Variants in ABCC11 observed in about 807,000 individuals in gnomAD.
ABCC11 encodes the protein ATP-binding cassette sub-family C member 11.
In ABCC11, 135 loss-of-function variants were observed where a neutral mutation model predicts 149.3. The observed-to-expected ratio is 0.90, with a 90% CI of 0.79 to 1.04. ABCC11 has a LOEUF of 1.04. Among genes scored for constraint, ABCC11 ranks in the 50% least tolerant of loss-of-function variants. The probability of loss-of-function intolerance (pLI) is 0.00; values close to 1 mark genes in which losing one functional copy is unlikely to be tolerated. For missense variants in ABCC11, 1,680 were observed against 1,722.1 expected, an observed-to-expected ratio of 0.98 and a Z score of 0.43; for synonymous variants, 665 against 671.4, an observed-to-expected ratio of 0.99 and a Z score of 0.15.
intron 12 of ABCC11, among the ~76,000 whole-genome samples, chr16:48,206,902 T>C (rs1968495189): frequency 6.6e-6 from 1 of 152,214 alleles, no homozygotes; most frequent in Non-Finnish European, 1.5e-5. Flanking sequence ...AATGGAAAGC[T>C]CTTTGCACAG....
chr16:48,214,794 A>T, intron 9 of ABCC11, 87 bp downstream of exon 9: 1 of 1,535,454 alleles, frequency 6.5e-7, no homozygotes. Context: ...CAAAGCCTTC[A>T]GACCTTTGAG....
chr16:48,207,146 T>C (rs1265563874), intron 12 of ABCC11, among the ~76,000 whole-genome samples: 1 of 151,916 alleles, frequency 6.6e-6, no homozygotes, highest in East Asian at 1.9e-4. Flanking sequence ...GGAAAACTTC[T>C]CCCAGTGTTG....
At chr16:48,175,439 G>T (rs772919764) in intron 25 of ABCC11, 22 bp from the exon 26 acceptor site, 1 of 1,594,344 alleles carries the variant, frequency 6.3e-7, no homozygotes, top group Non-Finnish European at 8.6e-7. Context: ...GAAACAAGCG[G>T]GGCCTCAGTT....
At chr16:48,219,240 G>T (rs1434249501) in intron 6 of ABCC11, among the ~76,000 whole-genome samples, 2 of 148,348 alleles carry the variant, frequency 1.3e-5, no homozygotes, top group African/African-American at 5.0e-5. Context: ...TACAATCTCA[G>T]CTCACTGCAA....
In ABCC11 at chr16:48,229,052, G is replaced by A. The variant is rs9938350; in HGVS notation, c.237-1088C>T. On this transcript the variant is annotated intron_variant, in intron 3 of 29. Coordinates refer to ENST00000356608, the MANE Select transcript of ABCC11 (RefSeq NM_001370497.1). The stretch of plus-strand genomic sequence containing the variant: ...GGGGGTAGGGGAGAGGGACTATGAC[G>A]TCTTTTCTCTACCCTTTCATATCCT... 4.2e-3 allele frequency among the ~76,000 whole-genome samples: 640 copies of A among 152,172 alleles called. 4 individuals are homozygous for A. Among genetic ancestry groups the A allele is most frequent in the African/African-American group, 0.015 (604 of 41,500 alleles).
rs894920374 is a variant in ABCC11 at position 48,210,625 on chromosome 16, C to G, written c.1608+323G>C. On this transcript the variant is annotated intron_variant, in intron 11 of 29. Coordinates refer to ENST00000356608, the MANE Select transcript of ABCC11 (RefSeq NM_001370497.1). The stretch of plus-strand genomic sequence containing the variant: ...AACACAGGATAGTGCTTGGCACATA[C>G]GAGGAATGTAATAAATGTTAGCTGG... 13 of 311,990 alleles carry G rather than the reference C, an allele frequency of 4.2e-5. No individual in the cohort carries two copies. In the Admixed American group the frequency reaches 5.3e-4, roughly 13 times the overall value. 19.3% of individuals were successfully genotyped at this position (311,990 alleles called of 1,614,324 possible).
In ABCC11 at chr16:48,170,060, C is replaced by T. The variant is rs369027061; in HGVS notation, c.3891+45G>A. On this transcript the variant is annotated intron_variant, in intron 28 of 29. Transcript: ENST00000356608. The stretch of plus-strand genomic sequence containing the variant: ...AGCCGGTGTGGCTTCCCTCATCATG[C>T]GTAGTCTGTGGCTTCCCCTGGCCAC... The T allele has an allele frequency of 4.9e-5, 76 of 1,536,480 alleles. No homozygotes were observed. In the African/African-American group the frequency reaches 7.7e-4, roughly 15 times the overall value.
chr16:48,216,650 A>C (rs74481009), intron 6 of ABCC11, among the ~76,000 whole-genome samples: 21,750 of 152,166 alleles, frequency 0.14, 2,054 homozygotes, highest in African/African-American at 0.27. Context: ...TGAAACCATG[A>C]CCCAAAGAGT....
intron 1 of ABCC11, among the ~76,000 whole-genome samples, chr16:48,234,967 C>A (rs569061589): frequency 1.3e-5 from 2 of 152,156 alleles, no homozygotes; most frequent in African/African-American, 4.8e-5. Flanking sequence ...TAGACAGAGC[C>A]TTTAGTGAGA....
At chr16:48,239,149 TAATA>T (rs1567296419) in intron 1 of ABCC11, among the ~76,000 whole-genome samples, 1 of 152,044 alleles carries the variant, frequency 6.6e-6, no homozygotes, top group Non-Finnish European at 1.5e-5. Flanking sequence ...ATTCCCAATT[TAATA>T]AATAGTGCTG....
chr16:48,170,377 C>T (rs756784848), intron 27 of ABCC11, among the ~76,000 whole-genome samples, 159 bp from the exon 28 acceptor site: 7 of 152,176 alleles, frequency 4.6e-5, no homozygotes, highest in Admixed American at 1.3e-4. Context: ...TGCTCACTCT[C>T]GTCTCTGGGC....
chr16:48,226,434 G>A (rs1970079841), intron 4 of ABCC11, among the ~76,000 whole-genome samples: 1 of 151,894 alleles, frequency 6.6e-6, no homozygotes, highest in African/African-American at 2.4e-5. Context: ...CCGCCTCCAT[G>A]CCTGGCTAAT....
chr16:48,229,764 G>A lies in ABCC11; in HGVS notation c.236+673C>T, dbSNP rs539843414. Among the ~76,000 whole-genome samples the A allele has an allele frequency of 1.1e-4, 16 of 152,140 alleles. No homozygotes were observed. The South Asian group carries it at 2.5e-3, about 24-fold the overall frequency. On this transcript the variant is annotated intron_variant, in intron 3 of 29. Coordinates refer to ENST00000356608, the MANE Select transcript of ABCC11 (RefSeq NM_001370497.1). ...CAGGCGTGAGCCACCGCGCCCGGCC[G>A]GCTGGTAACTTTAATGTGGCCTTTG...
At chr16:48,228,717 G>T (rs1042618653) in intron 3 of ABCC11, among the ~76,000 whole-genome samples, 1 of 152,154 alleles carries the variant, frequency 6.6e-6, no homozygotes, top group African/African-American at 2.4e-5. Context: ...CATTGAAAAA[G>T]GAGTTGGAGT....
intron 6 of ABCC11, among the ~76,000 whole-genome samples, chr16:48,218,502 T>C: frequency 6.6e-6 from 1 of 152,200 alleles, no homozygotes; most frequent in Non-Finnish European, 1.5e-5. Context: ...CGGTGCTAGA[T>C]AATGCATATA....
intron 14 of ABCC11, among the ~76,000 whole-genome samples, chr16:48,202,560 G>A (rs919360319): frequency 1.3e-5 from 2 of 150,932 alleles, no homozygotes; most frequent in African/African-American, 4.9e-5. Context: ...GCAGTGAGTC[G>A]AGATCGCACC....
chr16:48,175,044 T>C (rs1395182930), intron 26 of ABCC11, among the ~76,000 whole-genome samples: 1 of 152,228 alleles, frequency 6.6e-6, no homozygotes, highest in East Asian at 1.9e-4. Context: ...GCGTATAACA[T>C]TACGGTTTAC....
chr16:48,178,785 G>T, intron 23 of ABCC11, 99 bp from the exon 24 acceptor site: 2 of 1,023,932 alleles, frequency 2.0e-6, no homozygotes, highest in South Asian at 1.4e-5. Context: ...GCCCCTGAGT[G>T]ACCCCTGAAA....
chr16:48,178,800 G>C, intron 23 of ABCC11, 114 bp from the exon 24 acceptor site: 1 of 895,226 alleles, frequency 1.1e-6, no homozygotes. Context: ...CTGAAACTAA[G>C]ATAATTTTCC....
Sources: gnomAD v4.1 joint callset for allele counts (sites outside exome capture counted in the v4.1 genomes callset) on GRCh38, gnomAD v4.1.1 for gene constraint, MANE v1.5 for transcripts, NCBI Gene and HGNC (gene_info 2026-07-23, HGNC 2026-07-21) for gene names.